Variants in GRK5 observed in about 807,000 individuals in gnomAD.
The protein encoded by GRK5 is G protein-coupled receptor kinase 5, also known as g protein-coupled receptor kinase GRK5.
A neutral mutation model predicts 78.4 loss-of-function variants in GRK5; 40 were observed. The observed-to-expected ratio is 0.51, with a 90% CI of 0.40 to 0.66. The LOEUF is 0.66. Ranked by LOEUF, GRK5 falls within the 30% of genes least tolerant of loss-of-function variation. The pLI, the probability that GRK5 is intolerant of heterozygous loss-of-function variation, is 0.00. For synonymous variants in GRK5, 289 were observed against 296.8 expected (o/e 0.97, Z 0.27); for missense variants, 598 against 759.9 (o/e 0.79, Z 2.50).
At position 119,452,491 on chromosome 10, in the gene GRK5, C is replaced by T. The variant is rs566327968; in HGVS notation, c.1405-180C>T. 8 of 630,682 alleles carry T rather than the reference C, an allele frequency of 1.3e-5. No individual in the cohort carries two copies. Among genetic ancestry groups the T allele is most frequent in the East Asian group, 2.9e-5 (1 of 34,952 alleles). 39.1% of individuals were successfully genotyped at this position (630,682 alleles called of 1,614,324 possible). On this transcript the variant is annotated intron_variant, in intron 13 of 15. Coordinates refer to ENST00000392870, the MANE Select transcript of GRK5 (RefSeq NM_005308.3). This position sits in a 1 kb window ranked among gnomAD's most constrained non-coding sequence, Gnocchi z 4.4. Reference sequence around the variant, plus strand: ...GGAAGCCCAGCCAAGCCACTGGGGCCGACCCCTCCCCTGGACTCACCTGCA... The same window carrying T: ...GGAAGCCCAGCCAAGCCACTGGGGCTGACCCCTCCCCTGGACTCACCTGCA...
intron 1 of GRK5, among the ~76,000 whole-genome samples, chr10:119,235,911 A>C (rs1589693791): frequency 6.6e-6 from 1 of 152,164 alleles, no homozygotes; most frequent in East Asian, 1.9e-4. Flanking sequence ...ACCAAAGGCT[A>C]ATGGAGGTTT....
At chr10:119,257,237 G>C (rs1849303229) in intron 1 of GRK5, among the ~76,000 whole-genome samples, 1 of 152,212 alleles carries the variant, frequency 6.6e-6, no homozygotes, top group African/African-American at 2.4e-5. Flanking sequence ...ACTTTGGTCA[G>C]TGTTCTCCAC....
At chr10:119,244,725 A>G (rs1405872155) in intron 1 of GRK5, among the ~76,000 whole-genome samples, 1 of 152,150 alleles carries the variant, frequency 6.6e-6, no homozygotes, top group Non-Finnish European at 1.5e-5. Context: ...CAGAGTTGAG[A>G]CCCTGTCTCA....
intron 2 of GRK5, among the ~76,000 whole-genome samples, chr10:119,337,618 C>G (rs990921186): frequency 6.6e-6 from 1 of 151,946 alleles, no homozygotes; most frequent in Non-Finnish European, 1.5e-5. Context: ...TTCCCCCCCA[C>G]TTTTTTCTCT....
At chr10:119,342,902 A>T (rs1191164657) in intron 2 of GRK5, among the ~76,000 whole-genome samples, 1 of 152,058 alleles carries the variant, frequency 6.6e-6, no homozygotes, top group Non-Finnish European at 1.5e-5. Context: ...GGCACCCCCC[A>T]ACGCCCTCAT....
At position 119,217,294 on chromosome 10, in the gene GRK5, T is replaced by C. The variant is rs748603284; in HGVS notation, c.52+9325T>C. On this transcript the variant is annotated intron_variant, in intron 1 of 15. Coordinates refer to ENST00000392870, the MANE Select transcript of GRK5 (RefSeq NM_005308.3). The surrounding 1 kb of genome is among the most constrained non-coding windows in gnomAD (Gnocchi z 4.1). ...AGCAGTTGGGTAAATTAATTCCTAC[T>C]AGGTTGTAAATGACTGATAGGTGAA... is the stretch of plus-strand genomic sequence containing the variant. Among the ~76,000 whole-genome samples the C allele has an allele frequency of 6.6e-6, 1 of 152,230 alleles. No homozygotes were observed. The highest frequency in any genetic ancestry group is 1.5e-5 in the Non-Finnish European group (1 of 68,038).
intron 1 of GRK5, among the ~76,000 whole-genome samples, chr10:119,251,081 T>C (rs1341925494): frequency 1.3e-5 from 2 of 151,610 alleles, no homozygotes; most frequent in African/African-American, 2.4e-5. Flanking sequence ...ATGACGAACA[T>C]TTGCATTCTT....
Position 119,207,879 on chromosome 10 carries a change from G to C in GRK5, c.-39G>C. 1.3e-6 allele frequency: 2 copies of C among 1,571,146 alleles called. No individual in the cohort carries two copies. The highest frequency in any genetic ancestry group is 1.7e-6 in the Non-Finnish European group (2 of 1,160,652). On this transcript the variant is annotated 5_prime_UTR_variant, in exon 1 of 16. Coordinates refer to ENST00000392870, the MANE Select transcript of GRK5 (RefSeq NM_005308.3). ...AGCGGCAGCACCCCAGGCGCTGACA[G>C]CCCCGCCGGCCGGCTCCGTTGCTGA...
rs1345900781 is a variant in GRK5, at chr10:119,264,254, A to G, written c.52+56285A>G. 6.6e-6 allele frequency among the ~76,000 whole-genome samples: 1 copy of G among 152,190 alleles called. No individual in the cohort carries two copies. The highest frequency in any genetic ancestry group is 2.4e-5 in the African/African-American group (1 of 41,428). On this transcript the variant is annotated intron_variant, in intron 1 of 15. Coordinates refer to ENST00000392870, the MANE Select transcript of GRK5 (RefSeq NM_005308.3). This position sits in a 1 kb window ranked among gnomAD's most constrained non-coding sequence, Gnocchi z 4.1. ...ACTGTCATTAGGCAGATCTCTTTCC[A>G]TTACAGGTGACAGAAGCTCAACTCC...
intron 2 of GRK5, among the ~76,000 whole-genome samples, chr10:119,344,872 C>CCCACCCTTCCTTCCTT (rs1252036925): frequency 6.8e-5 from 5 of 73,720 alleles, no homozygotes; most frequent in African/African-American, 2.2e-4. Flanking sequence ...ACAAGACCCA[C>CCCACCCTTCCTTCCTT]CCTTCCTTCC....
intron 2 of GRK5, among the ~76,000 whole-genome samples, chr10:119,328,191 C>G (rs998811504): frequency 6.6e-6 from 1 of 152,166 alleles, no homozygotes; most frequent in Non-Finnish European, 1.5e-5. Flanking sequence ...CCGTGGATGC[C>G]GTGTGCACCC....
intron 1 of GRK5, among the ~76,000 whole-genome samples, chr10:119,257,341 A>T (rs1254590286): frequency 6.6e-6 from 1 of 152,250 alleles, no homozygotes; most frequent in African/African-American, 2.4e-5. Context: ...TCTCTCCCAT[A>T]GGCCCCCCTG....
intron 1 of GRK5, among the ~76,000 whole-genome samples, chr10:119,299,300 C>T (rs1005402144): frequency 1.3e-5 from 2 of 151,976 alleles, no homozygotes; most frequent in Non-Finnish European, 2.9e-5. Flanking sequence ...AAAAATTAGC[C>T]GGGCGGGGTG....
intron 1 of GRK5, among the ~76,000 whole-genome samples, chr10:119,308,838 T>C (rs1185789127): frequency 6.7e-6 from 1 of 148,786 alleles, no homozygotes; most frequent in Non-Finnish European, 1.5e-5. Flanking sequence ...GCAGGTCCAG[T>C]TCTGAGGCAG....
chr10:119,418,081 T>G (rs1377692649), intron 4 of GRK5, among the ~76,000 whole-genome samples: 2 of 152,208 alleles, frequency 1.3e-5, no homozygotes, highest in Non-Finnish European at 2.9e-5. Flanking sequence ...GCACGAGCTC[T>G]GTCCGATCTG....
At position 119,281,598 on chromosome 10, in the gene GRK5, G is replaced by A. The variant is rs1004670929; in HGVS notation, c.53-44918G>A. 3.3e-5 allele frequency among the ~76,000 whole-genome samples: 5 copies of A among 152,240 alleles called. No homozygotes were observed. The South Asian group carries it at 8.3e-4, about 25-fold the overall frequency. Reference sequence around the variant, plus strand: ...TCCTGTGGTGGCATCTTCTTCACAGGGAGGGATCTGGCCGACCTCGGGTCT... The same window carrying A: ...TCCTGTGGTGGCATCTTCTTCACAGAGAGGGATCTGGCCGACCTCGGGTCT... On this transcript the variant is annotated intron_variant, in intron 1 of 15. Coordinates refer to ENST00000392870, the MANE Select transcript of GRK5 (RefSeq NM_005308.3).
At chr10:119,241,055 G>A (rs1408436816) in intron 1 of GRK5, among the ~76,000 whole-genome samples, 1 of 152,144 alleles carries the variant, frequency 6.6e-6, no homozygotes, top group Non-Finnish European at 1.5e-5. Context: ...CTTAACCGTG[G>A]ACTATTGCAA....
intron 1 of GRK5, among the ~76,000 whole-genome samples, chr10:119,319,029 A>T (rs980915854): frequency 6.6e-6 from 1 of 152,166 alleles, no homozygotes; most frequent in South Asian, 2.1e-4. Context: ...GCTTTTTATT[A>T]TTACTTGGCT....
At chr10:119,391,344 C>G (rs1001252713) in intron 3 of GRK5, among the ~76,000 whole-genome samples, 2 of 152,222 alleles carry the variant, frequency 1.3e-5, no homozygotes. Flanking sequence ...GCCATTCTCA[C>G]TGGGGAGCAG....
Sources: allele counts gnomAD v4.1 joint callset (sites outside exome capture counted in the v4.1 genomes callset), GRCh38; gene constraint gnomAD v4.1.1; non-coding constraint Gnocchi (gnomAD v3.1); transcripts MANE v1.5; gene names NCBI Gene and HGNC (gene_info 2026-07-23, HGNC 2026-07-21).